The following TTC6 variants were observed in gnomAD, a reference collection of about 807,000 sequenced individuals.
TTC6 encodes the protein tetratricopeptide repeat domain 6.
TTC6 carries 172 observed loss-of-function variants against 210.4 expected under a neutral mutation model. The ratio of observed to expected loss-of-function variants is 0.82; its 90% CI spans 0.72 to 0.93. TTC6 has a LOEUF of 0.93. Ranked by LOEUF, TTC6 falls within the 40% of genes least tolerant of loss-of-function variation. The probability of loss-of-function intolerance (pLI) is 0.00; values close to 1 mark genes in which losing one functional copy is unlikely to be tolerated. For missense variants in TTC6, 2,414 were observed against 2,318.1 expected (o/e 1.04, Z -0.85); for synonymous variants, 804 against 819.6 (o/e 0.98, Z 0.32).
chr14:37,835,974 T>C (rs2096196967), intron 29 of TTC6, among the ~76,000 whole-genome samples: 1 of 152,166 alleles, frequency 6.6e-6, no homozygotes, highest in African/African-American at 2.4e-5. Context: ...GAAAGTCCAT[T>C]TATTCTCATG....
At chr14:37,745,302 G>A (rs1257551453) in intron 10 of TTC6, among the ~76,000 whole-genome samples, 2 of 152,178 alleles carry the variant, frequency 1.3e-5, no homozygotes, top group African/African-American at 4.8e-5. Context: ...CTTTCTACAA[G>A]CTATCTTTGT....
rs10599374 is a variant in TTC6, at chr14:37,821,023, CTCTTCTTCT to C, written c.4764-2703_4764-2695del. On this transcript the variant is annotated intron_variant, in intron 26 of 30. Coordinates refer to ENST00000553443, the Ensembl canonical transcript of TTC6. ...CCTCTTGCTCTTCTTCTTCTTCTTC[CTCTTCTTCT>C]TCTTCTTCTTCTTCTTCTTCCTTCT... Among the ~76,000 whole-genome samples the C allele has an allele frequency of 2.1e-3, 302 of 145,392 alleles. 1 individual carries two copies. Among genetic ancestry groups the C allele is most frequent in the Middle Eastern group, 7.0e-3 (2 of 284 alleles).
intron 1 of TTC6, among the ~76,000 whole-genome samples, chr14:37,668,332 C>T (rs1190436771): frequency 6.6e-6 from 1 of 150,542 alleles, no homozygotes; most frequent in African/African-American, 2.4e-5. Flanking sequence ...TAGTACCAAA[C>T]AATATTACTA....
At chr14:37,657,098 G>C (rs1595068498) in intron 1 of TTC6, among the ~76,000 whole-genome samples, 1 of 151,358 alleles carries the variant, frequency 6.6e-6, no homozygotes, top group East Asian at 2.0e-4. Context: ...GGTAGCCCCA[G>C]CTACTCGGCA....
intron 14 of TTC6, among the ~76,000 whole-genome samples, chr14:37,781,528 C>T (rs887027194): frequency 1.3e-5 from 2 of 152,058 alleles, no homozygotes; most frequent in African/African-American, 4.8e-5. Context: ...GGATATTAGC[C>T]GTTTGTCAGA....
chr14:37,781,988 C>A (rs111266711), intron 14 of TTC6, among the ~76,000 whole-genome samples: 1 of 152,016 alleles, frequency 6.6e-6, no homozygotes, highest in Non-Finnish European at 1.5e-5. Context: ...TGGTCTATAT[C>A]TCTGTTTTGG....
intron 14 of TTC6, among the ~76,000 whole-genome samples, chr14:37,761,807 T>C (rs952650277): frequency 6.6e-6 from 1 of 152,228 alleles, no homozygotes; most frequent in Non-Finnish European, 1.5e-5. Flanking sequence ...CTGTTGCATG[T>C]GGCTCTAGTT....
rs2095815362 is a variant in TTC6, at chr14:37,696,632, A to G, written c.1258-85A>G. On this transcript the variant is annotated intron_variant, in intron 3 of 30. Coordinates refer to ENST00000553443, the Ensembl canonical transcript of TTC6. ...ATACATAGAAATCTGGAGTTTAAATATTAGGTGACTCGCTAAATATGAGAG... is the reference window on the plus strand; with the variant it reads ...ATACATAGAAATCTGGAGTTTAAATGTTAGGTGACTCGCTAAATATGAGAG... The G allele has an allele frequency of 1.1e-5, 6 of 556,820 alleles. No homozygotes were observed. The Admixed American group carries it at 2.4e-4, about 23-fold the overall frequency. 34.5% of individuals were successfully genotyped at this position (556,820 alleles called of 1,614,324 possible). A position where few individuals can be genotyped will look rare whatever the true frequency, so the allele number is the denominator to read the frequency against.
intron 14 of TTC6, among the ~76,000 whole-genome samples, chr14:37,780,974 C>A (rs1454046689): frequency 2.0e-5 from 3 of 152,340 alleles, no homozygotes; most frequent in African/African-American, 7.2e-5. Flanking sequence ...TTTTGTATGG[C>A]TGCATAGTAT....
At chr14:37,809,690 T>C (rs978133059) in intron 24 of TTC6, among the ~76,000 whole-genome samples, 1 of 152,168 alleles carries the variant, frequency 6.6e-6, no homozygotes, top group Non-Finnish European at 1.5e-5. Context: ...GTTTGGCCTA[T>C]ATTTTGAAGG....
At chr14:37,719,910 C>A (rs1276676726) in intron 6 of TTC6, among the ~76,000 whole-genome samples, 2 of 151,894 alleles carry the variant, frequency 1.3e-5, no homozygotes. Flanking sequence ...GGATTAAATA[C>A]AAGCCACCGA....
intron 15 of TTC6, among the ~76,000 whole-genome samples, chr14:37,788,170 A>G (rs1013330301): frequency 3.9e-5 from 6 of 152,164 alleles, no homozygotes; most frequent in Admixed American, 3.9e-4. Flanking sequence ...ACCAACAGCT[A>G]AAAATGGCCA....
intron 5 of TTC6, among the ~76,000 whole-genome samples, chr14:37,709,981 G>T (rs2095842115): frequency 6.6e-6 from 1 of 152,126 alleles, no homozygotes; most frequent in Non-Finnish European, 1.5e-5. Context: ...CCCAGTGAGT[G>T]GGTTGTGAAA....
In TTC6 at chr14:37,841,828, C is replaced by T. The variant is rs77481187; in HGVS notation, c.5524+158C>T. 1.5e-3 allele frequency: 1,039 copies of T among 675,024 alleles called. 6 individuals carry two copies. The African/African-American group carries it at 0.017, about 11-fold the overall frequency. The allele number at this position is 675,024 out of a possible 1,614,324, so 41.8% of individuals were successfully genotyped here. On this transcript the variant is annotated intron_variant, in intron 30 of 30. Transcript: ENST00000553443. ...GTCCTTAATATAATCGATATAGGTT[C>T]CTTTATGTAATGTCTTAACTTAAAG...
Position 37,795,264 on chromosome 14 carries a change from C to T in TTC6, c.3709-6C>T, listed in dbSNP as rs1369948158. 1.3e-6 allele frequency: 2 copies of T among 1,526,702 alleles called. No individual in the cohort carries two copies. Among genetic ancestry groups the T allele is most frequent in the Admixed American group, 2.0e-5 (1 of 49,988 alleles). 94.6% of individuals were successfully genotyped at this position (1,526,702 alleles called of 1,614,324 possible). A position where few individuals can be genotyped will look rare whatever the true frequency, so the allele number is the denominator to read the frequency against. On this transcript the variant is annotated splice_polypyrimidine_tract_variant and splice_region_variant and intron_variant, in intron 17 of 30. Transcript: ENST00000553443. Reference sequence around the variant, plus strand: ...AGGAGCTAAATTTCTGTTTCTCACTCAACAGTTGCATAAATTGAAAAAGGC... The same window carrying T: ...AGGAGCTAAATTTCTGTTTCTCACTTAACAGTTGCATAAATTGAAAAAGGC...
intron 20 of TTC6, among the ~76,000 whole-genome samples, chr14:37,798,110 C>A (rs1319837848): frequency 6.6e-6 from 1 of 152,054 alleles, no homozygotes; most frequent in African/African-American, 2.4e-5. Flanking sequence ...ATATTCTTCT[C>A]TAGGAAGCTC....
chr14:37,706,355 C>G (rs1197286261), intron 5 of TTC6, among the ~76,000 whole-genome samples: 1 of 152,080 alleles, frequency 6.6e-6, no homozygotes, highest in South Asian at 2.1e-4. Flanking sequence ...GGGATGGCTT[C>G]TCAGTCCCTC....
chr14:37,771,149 T>C (rs2096017022), intron 14 of TTC6, among the ~76,000 whole-genome samples: 1 of 152,076 alleles, frequency 6.6e-6, no homozygotes, highest in Admixed American at 6.5e-5. Context: ...TCTTCTGGCT[T>C]ATAGGGTTTC....
At chr14:37,682,761 G>A (rs774167834) in exon 3 of TTC6, 36 of 1,535,210 alleles carry the variant, frequency 2.3e-5, no homozygotes, top group African/African-American at 4.1e-5. Flanking sequence ...CCAACAGAGC[G>A]TGCATAAGGA....
Sources: allele counts gnomAD v4.1 joint callset (sites outside exome capture counted in the v4.1 genomes callset), GRCh38; gene constraint gnomAD v4.1.1; transcripts MANE v1.5; gene names NCBI Gene and HGNC (gene_info 2026-07-23, HGNC 2026-07-21).